The following NEB variants were observed in gnomAD, a reference collection of about 807,000 sequenced individuals.
NEB encodes the protein nebulin.
In NEB, 512 loss-of-function variants were observed where a neutral mutation model predicts 952.2. That is an observed-to-expected ratio of 0.54 (90% CI 0.50 to 0.58). The LOEUF (loss-of-function observed/expected upper bound fraction) is 0.58. Ranked by LOEUF, NEB falls within the 20% of genes least tolerant of loss-of-function variation. NEB has a pLI of 0.00. For missense variants in NEB, 8,428 were observed against 9,231.1 expected, an observed-to-expected ratio of 0.91 and a Z score of 3.56; for synonymous variants, 2,900 against 3,149.8, an observed-to-expected ratio of 0.92 and a Z score of 2.66.
chr2:151,508,947 G>A (rs1268407546), intron 161 of NEB, among the ~76,000 whole-genome samples: 1 of 152,078 alleles, frequency 6.6e-6, no homozygotes, highest in African/African-American at 2.4e-5. Context: ...TTTCATCATC[G>A]CTTGTCACTG....
chr2:151,697,451 AT>A lies in NEB; in HGVS notation c.1263del (p.Lys421AsnfsTer7). The A allele has an allele frequency of 1.2e-6, 2 of 1,612,696 alleles. No homozygotes were observed. The highest frequency in any genetic ancestry group is 1.7e-6 in the Non-Finnish European group (2 of 1,179,110). ...ATATCTTTTAAGTAGGAATCTTTATATTTTTTCTGCAAGACAAAACATACTT... is the reference window on the plus strand; with the variant it reads ...ATATCTTTTAAGTAGGAATCTTTATATTTTTCTGCAAGACAAAACATACTT... ...TVLQNFSSDK[K>X]YKDSYLKDIL... On this transcript the variant is annotated frameshift_variant, in exon 15 of 182. Transcript: ENST00000397345. LOFTEE classifies it high-confidence loss of function.
intron 168 of NEB, 58 bp downstream of exon 168, chr2:151,501,331 TTC>T (rs2064359803): frequency 2.6e-6 from 3 of 1,137,336 alleles, no homozygotes; most frequent in Admixed American, 4.1e-5. Context: ...CAGTGAGATG[TTC>T]TGTTTTGTAG....
rs988042787 is a variant in NEB at position 151,498,163 on chromosome 2, A to C, written c.24207+97T>G. 1.0e-5 allele frequency: 16 copies of C among 1,540,194 alleles called. No individual in the cohort carries two copies. The African/African-American group carries it at 1.8e-4, about 17-fold the overall frequency. On this transcript the variant is annotated intron_variant, in intron 170 of 181. Coordinates refer to ENST00000397345, the MANE Select transcript of NEB (RefSeq NM_001164508.2). ...TGTAATATAAGATGTATTAGAAGCA[A>C]AGAAGGGAAATGGGCTTCAAACAAA...
intron 161 of NEB, 103 bp downstream of exon 161, chr2:151,512,630 G>C (rs1306248988): frequency 1.1e-6 from 1 of 902,326 alleles, no homozygotes; most frequent in Non-Finnish European, 1.8e-6. Context: ...TTTTTTATTG[G>C]GAAAAACTGA....
intron 52 of NEB, among the ~76,000 whole-genome samples, chr2:151,652,353 G>A (rs2099040219): frequency 6.6e-6 from 1 of 152,032 alleles, no homozygotes; most frequent in South Asian, 2.1e-4. Context: ...AGCCTCCCAA[G>A]TAGCTGAGAC....
At chr2:151,554,143 G>T in intron 125 of NEB, 118 bp from the exon 126 acceptor site, 2 of 859,796 alleles carry the variant, frequency 2.3e-6, no homozygotes, top group African/African-American at 1.7e-5. Context: ...GGCAGTGACT[G>T]GTATTTTCTG....
chr2:151,672,640 T>C lies in NEB; in HGVS notation c.4028A>G (p.His1343Arg). Reference protein sequence around the residue: ...KEAYEKSKGKHVGFRSLQDDP... With the variant: ...KEAYEKSKGKRVGFRSLQDDP... ...ATCCTGGAGGCTTCTGAAACCCACA[T>C]GCTTTCCCTTTGACTTCTCATAAGC... is the stretch of plus-strand genomic sequence containing the variant. The change falls in exon 37 of 182, where the codon CAT becomes CGT. Residue 1343 changes from histidine to arginine, a missense_variant. Coordinates refer to ENST00000397345, the MANE Select transcript of NEB (RefSeq NM_001164508.2). 6.2e-7 allele frequency: 1 copy of C among 1,613,992 alleles called. No individual in the cohort carries two copies. Among genetic ancestry groups the C allele is most frequent in the Non-Finnish European group, 8.5e-7 (1 of 1,179,870 alleles).
At chr2:151,623,088 GA>G (rs1409978356) in intron 71 of NEB, among the ~76,000 whole-genome samples, 1 of 152,118 alleles carries the variant, frequency 6.6e-6, no homozygotes, top group Non-Finnish European at 1.5e-5. Context: ...TTACCCCTTG[GA>G]AAGCCTTTGT....
At chr2:151,541,027 C>G (rs1266455765) in intron 136 of NEB, among the ~76,000 whole-genome samples, 1 of 151,918 alleles carries the variant, frequency 6.6e-6, no homozygotes, top group Non-Finnish European at 1.5e-5. Context: ...ATGCCTACCA[C>G]TGAGTATGAT....
chr2:151,680,628 T>C, intron 30 of NEB, 102 bp downstream of exon 30: 1 of 831,094 alleles, frequency 1.2e-6, no homozygotes. Flanking sequence ...TAATTGGGTC[T>C]CTTCATATTG....
intron 170 of NEB, 172 bp downstream of exon 170, chr2:151,498,088 G>GTAAA: frequency 6.8e-7 from 1 of 1,469,566 alleles, no homozygotes; most frequent in Non-Finnish European, 9.0e-7. Context: ...ATCAGATGAA[G>GTAAA]TAAAAAATTG....
At chr2:151,714,115 C>T (rs1421420321) in intron 10 of NEB, among the ~76,000 whole-genome samples, 1 of 152,088 alleles carries the variant, frequency 6.6e-6, no homozygotes, top group African/African-American at 2.4e-5. Flanking sequence ...AACCTCCCAC[C>T]CCCATCCTGT....
intron 153 of NEB, 102 bp from the exon 154 acceptor site, chr2:151,519,870 A>C (rs2080723182): frequency 1.4e-6 from 1 of 728,244 alleles, no homozygotes; most frequent in South Asian, 1.6e-5. Flanking sequence ...CATTGTACAT[A>C]GAGTGATCAT....
intron 78 of NEB, 116 bp downstream of exon 78, chr2:151,612,070 T>G: frequency 1.8e-6 from 2 of 1,100,362 alleles, no homozygotes; most frequent in Non-Finnish European, 2.6e-6. Flanking sequence ...AAGGCCTGCA[T>G]GAGAATCAGG....
At position 151,614,261 on chromosome 2, in the gene NEB, A is replaced by AT; in HGVS notation, c.11601+14dup. 1 of 1,610,220 alleles carries AT rather than the reference A, an allele frequency of 6.2e-7. No homozygotes were observed. Among genetic ancestry groups the AT allele is most frequent in the African/African-American group, 1.3e-5 (1 of 74,982 alleles). ...CTTTTCTAAACCATTACTGAAGAAT[A>AT]TTAGAGCCACTCACATCACTCTGCA... On this transcript the variant is annotated intron_variant, in intron 77 of 181. Transcript: ENST00000397345.
intron 107 of NEB, among the ~76,000 whole-genome samples, chr2:151,575,101 C>T (rs75572293): frequency 0.055 from 8,408 of 152,090 alleles, 246 homozygotes; most frequent in Non-Finnish European, 0.06. Flanking sequence ...CAATGGATTT[C>T]CTTCTTTTAC....
intron 10 of NEB, among the ~76,000 whole-genome samples, chr2:151,714,443 C>T (rs1223194790): frequency 6.6e-6 from 1 of 152,154 alleles, no homozygotes; most frequent in Non-Finnish European, 1.5e-5. Context: ...ACCTGTTTTG[C>T]CAGGATCCAA....
At chr2:151,618,230 T>G in intron 74 of NEB, 45 bp downstream of exon 74, 1 of 1,526,872 alleles carries the variant, frequency 6.5e-7, no homozygotes. Flanking sequence ...TTTAAATTGT[T>G]CTGTGGTAAC....
intron 45 of NEB, among the ~76,000 whole-genome samples, chr2:151,663,085 C>T (rs2099165692): frequency 6.6e-6 from 1 of 152,168 alleles, no homozygotes; most frequent in Non-Finnish European, 1.5e-5. Flanking sequence ...TAAAGGCTGC[C>T]TCAGTCATCA....
Sources: allele counts gnomAD v4.1 joint callset (sites outside exome capture counted in the v4.1 genomes callset), GRCh38; gene constraint gnomAD v4.1.1; transcripts MANE v1.5; gene names NCBI Gene and HGNC (gene_info 2026-07-23, HGNC 2026-07-21).